EXOC7: variants seen among roughly 807,000 people sequenced by gnomAD.
EXOC7 encodes the protein exocyst complex component 7, also known as exocyst complex component Exo70.
EXOC7 carries 51 observed loss-of-function variants against 87.6 expected under a neutral mutation model. The ratio of observed to expected loss-of-function variants is 0.58; its 90% CI spans 0.46 to 0.73. EXOC7 has a LOEUF of 0.73. Ranked by LOEUF, EXOC7 falls within the 30% of genes least tolerant of loss-of-function variation. The probability of loss-of-function intolerance (pLI) is 0.00; values close to 1 mark genes in which losing one functional copy is unlikely to be tolerated. For synonymous variants in EXOC7, 327 were observed against 357.1 expected, an observed-to-expected ratio of 0.92 and a Z score of 0.95; for missense variants, 744 against 888.4, an observed-to-expected ratio of 0.84 and a Z score of 2.07.
At chr17:76,084,335 A>G (rs776368762) in intron 16 of EXOC7, 46 bp from the exon 17 acceptor site, 1 of 1,613,156 alleles carries the variant, frequency 6.2e-7, no homozygotes, top group Non-Finnish European at 8.5e-7. Context: ...TTCAGAGCAG[A>G]GCAGCCTTCC....
chr17:76,089,282 T>C lies in EXOC7; in HGVS notation c.940A>G (p.Ile314Val), dbSNP rs2067365211. 1.9e-6 allele frequency: 3 copies of C among 1,613,956 alleles called. No homozygotes were observed. The highest frequency in any genetic ancestry group is 1.7e-5 in the Admixed American group (1 of 60,000). The change falls in exon 8 of 19, where the codon ATC (isoleucine) becomes GTC (valine). Residue 314 changes from isoleucine to valine, a missense_variant. Ile to Val is a conservative substitution (Grantham distance 29, BLOSUM62 3). This residue lies in a region of EXOC7 where 512 missense variants were observed against 573.0 expected (regional missense o/e 0.89). Transcript: ENST00000589210. ...TTGACGAAGGCACTGACGCAGTGGA[T>C]GTAGGCATCGGTCTCCACGTCCAGC... Reference protein sequence around the residue: ...DMLDVETDAYIHCVSAFVKLA... With the variant: ...DMLDVETDAYVHCVSAFVKLA...
At chr17:76,090,105 G>T (rs2246859) in intron 7 of EXOC7, among the ~76,000 whole-genome samples, 73,803 of 152,174 alleles carry the variant, frequency 0.48, 18,401 homozygotes, top group South Asian at 0.67. Flanking sequence ...GAGGAGCAGC[G>T]GCTTCTCCCC....
At position 76,087,954 on chromosome 17, in the gene EXOC7, G is replaced by C. The variant is rs1389249759; in HGVS notation, c.1362+106C>G. On this transcript the variant is annotated intron_variant, in intron 11 of 18. Transcript: ENST00000589210. ...AGGACTGCTCACAAAGGTGCGAGCG[G>C]CTCTGGGCCAGGCTGAGTCCCTTCC... is the stretch of plus-strand genomic sequence containing the variant. The C allele has an allele frequency of 7.4e-6, 10 of 1,347,456 alleles. No homozygotes were observed. In the East Asian group the frequency reaches 2.3e-4, roughly 31 times the overall value. The allele number at this position is 1,347,456 out of a possible 1,614,324, so 83.5% of individuals were successfully genotyped here. A position where few individuals can be genotyped will look rare whatever the true frequency, so the allele number is the denominator to read the frequency against.
rs2067266188 is a variant in EXOC7 at position 76,087,546 on chromosome 17, C to G, written c.1429+108G>C. ...GGACCCTCTGCTGAGCACACCTCAA[C>G]CCCTCCACAGACTGGAGATACCTCC... On this transcript the variant is annotated intron_variant, in intron 12 of 18. Coordinates refer to ENST00000589210, the MANE Select transcript of EXOC7 (RefSeq NM_001013839.4). The G allele has an allele frequency of 2.5e-5, 28 of 1,133,944 alleles. 1 individual carries two copies. In the South Asian group the frequency reaches 3.8e-4, roughly 15 times the overall value. The allele number at this position is 1,133,944 out of a possible 1,614,324, so 70.2% of individuals were successfully genotyped here.
chr17:76,088,346 G>A (rs561236028), intron 10 of EXOC7, 118 bp downstream of exon 10: 29 of 1,085,516 alleles, frequency 2.7e-5, no homozygotes, highest in Non-Finnish European at 3.9e-5. Context: ...GGCCAGTGGC[G>A]CAGCTGGCTG....
rs1459305734 is a variant in EXOC7 at position 76,091,163 on chromosome 17, G to C, written c.881C>G (p.Ser294Cys). 1 of 1,614,016 alleles carries C rather than the reference G, an allele frequency of 6.2e-7. No individual in the cohort carries two copies. Among genetic ancestry groups the C allele is most frequent in the Non-Finnish European group, 8.5e-7 (1 of 1,179,950 alleles). Residue 294 changes from serine (S) to cysteine (C), a missense_variant, in exon 7 of 19, where the codon TCT (serine) becomes TGT (cysteine). Ser to Cys is a moderately radical substitution (Grantham distance 112). This residue lies in a region of EXOC7 where 512 missense variants were observed against 573.0 expected (regional missense o/e 0.89). Coordinates refer to ENST00000589210, the MANE Select transcript of EXOC7 (RefSeq NM_001013839.4). Reference sequence around the variant, plus strand: ...ATTACCTTCCAGAGGAATGAGGTTAGAGCCCCCCTTTTTCCCATCTAGACC... The same window carrying C: ...ATTACCTTCCAGAGGAATGAGGTTACAGCCCCCCTTTTTCCCATCTAGACC... ...QHGLDGKKGG[S>C]NLIPLEGRDD...
At chr17:76,094,859 C>T (rs1430018305) in intron 5 of EXOC7, among the ~76,000 whole-genome samples, 1 of 152,034 alleles carries the variant, frequency 6.6e-6, no homozygotes, top group Admixed American at 6.6e-5. Flanking sequence ...AATCTGACCA[C>T]TTCAGCCTCC....
At position 76,082,056 on chromosome 17, in the gene EXOC7, A is replaced by G; in HGVS notation, c.*1592T>C. ...GGGCCTCATCCTGCTGAAGGTGGGC[A>G]GGGGCTGGGGGGTAAGGAATGAGGC... is the stretch of plus-strand genomic sequence containing the variant. On this transcript the variant is annotated 3_prime_UTR_variant, in exon 19 of 19. Coordinates refer to ENST00000589210, the MANE Select transcript of EXOC7 (RefSeq NM_001013839.4). The G allele has an allele frequency of 6.3e-7, 1 of 1,599,800 alleles. No homozygotes were observed. The highest frequency in any genetic ancestry group is 8.5e-7 in the Non-Finnish European group (1 of 1,174,138).
rs968247523 is a variant in EXOC7 at position 76,094,431 on chromosome 17, T to A, written c.791A>T (p.Lys264Met). Reference sequence around the variant, plus strand: ...GGGCTCACCTGGCCGCTTGACTGGCTTCTTGGTAGGTGTGTCTTTCCTCTT... The same window carrying A: ...GGGCTCACCTGGCCGCTTGACTGGCATCTTGGTAGGTGTGTCTTTCCTCTT... ...PNKRKDTPTK[K>M]PVKRPGTIRK... The change falls in exon 6 of 19, where the codon AAG (lysine) becomes ATG (methionine). Residue 264 changes from lysine (K) to methionine (M), a missense_variant. Around this residue, in one of 3 missense-constraint regions of EXOC7, gnomAD observed 512 missense variants for 573.0 expected, o/e 0.89. Transcript: ENST00000589210. 4 of 1,613,460 alleles carry A rather than the reference T, an allele frequency of 2.5e-6. No individual in the cohort carries two copies. In the African/African-American group the frequency reaches 4.0e-5, roughly 16 times the overall value.
At chr17:76,086,283 G>A in intron 12 of EXOC7, 138 bp from the exon 13 acceptor site, 1 of 853,246 alleles carries the variant, frequency 1.2e-6, no homozygotes, top group South Asian at 1.5e-5. Context: ...TGCCTGCTAA[G>A]CCACAGGGTG....
intron 7 of EXOC7, chr17:76,090,480 C>T: frequency 6.4e-7 from 1 of 1,551,364 alleles, no homozygotes; most frequent in Non-Finnish European, 8.7e-7. Context: ...AGGGAAGAAG[C>T]CCTTCATCTC....
chr17:76,088,072 C>T lies in EXOC7; in HGVS notation c.1350G>A (p.Glu450=). Residue 450 remains glutamate, a synonymous_variant, in exon 11 of 19, where the codon GAG becomes GAA. Coordinates refer to ENST00000589210, the MANE Select transcript of EXOC7 (RefSeq NM_001013839.4). Reference sequence around the variant, plus strand: ...AGGCAGCACCCACATTGCTGGTGAGCTCGTGTACGGTGCCGTCCTTCGGCA... The same window carrying T: ...AGGCAGCACCCACATTGCTGGTGAGTTCGTGTACGGTGCCGTCCTTCGGCA... The part of the protein sequence containing the change: ...YNMPKDGTVH[E]LTSNAILFLQ... 6.2e-7 allele frequency: 1 copy of T among 1,614,068 alleles called. No individual in the cohort carries two copies. The highest frequency in any genetic ancestry group is 8.5e-7 in the Non-Finnish European group (1 of 1,179,980).
Position 76,088,858 on chromosome 17 carries a change from C to T in EXOC7, c.1113G>A (p.Val371=). 1 of 1,613,908 alleles carries T rather than the reference C, an allele frequency of 6.2e-7. No homozygotes were observed. Among genetic ancestry groups the T allele is most frequent in the Non-Finnish European group, 8.5e-7 (1 of 1,180,030 alleles). Reference sequence around the variant, plus strand: ...TGAGCACCGTGGAGAAGTCGTGTCGCACAATGGCCTTCCGGGCAGCAGACA... The same window carrying T: ...TGAGCACCGTGGAGAAGTCGTGTCGTACAATGGCCTTCCGGGCAGCAGACA... ...NIVSAARKAI[V]RHDFSTVLTV... is the part of the protein sequence containing the mutation. Residue 371 remains valine (V), a synonymous_variant, in exon 9 of 19, where the codon GTG becomes GTA. Coordinates refer to ENST00000589210, the MANE Select transcript of EXOC7 (RefSeq NM_001013839.4).
rs1443075247 is a variant in EXOC7 at position 76,087,655 on chromosome 17, T to C, written c.1428A>G (p.Gln476=). Residue 476 remains glutamine (Q), a splice_region_variant and synonymous_variant, in exon 12 of 19, where the codon CAA becomes CAG. Transcript: ENST00000589210. ...GGCCCAACTGGGAGGTACCAGTACC[T>C]TGGGAGGCCAGCATGGCGCCTGCCG... ...QETAGAMLAS[Q]ETSSSATSYS... The C allele has an allele frequency of 3.2e-6, 5 of 1,551,002 alleles. No individual in the cohort carries two copies. The East Asian group carries it at 7.3e-5, about 23-fold the overall frequency.
chr17:76,088,243 G>A (rs2067302564), intron 10 of EXOC7, 121 bp from the exon 11 acceptor site: 2 of 1,100,866 alleles, frequency 1.8e-6, no homozygotes, highest in South Asian at 1.4e-5. Flanking sequence ...AGGCACAAAG[G>A]CTGAGCCAGG....
At chr17:76,099,770 C>A (rs2067966988) in intron 4 of EXOC7, among the ~76,000 whole-genome samples, 2 of 152,150 alleles carry the variant, frequency 1.3e-5, no homozygotes, top group Admixed American at 6.5e-5. Context: ...CACCATCTTG[C>A]TCTGATGATC....
In EXOC7 at chr17:76,103,332, C is replaced by T. The variant is rs746347580; in HGVS notation, c.126+29G>A. The T allele has an allele frequency of 5.1e-6, 8 of 1,565,198 alleles. No homozygotes were observed. In the African/African-American group the frequency reaches 9.4e-5, roughly 18 times the overall value. ...CTCTCCCCCAGGGTCCGGAGGCCTGCCCTCTCCCCCAGCTGCGGGGAGACT... is the reference window on the plus strand; with the variant it reads ...CTCTCCCCCAGGGTCCGGAGGCCTGTCCTCTCCCCCAGCTGCGGGGAGACT... On this transcript the variant is annotated intron_variant, in intron 2 of 18. Transcript: ENST00000589210.
At position 76,083,374 on chromosome 17, in the gene EXOC7, C is replaced by T. The variant is rs568906232; in HGVS notation, c.*274G>A. The T allele has an allele frequency of 7.5e-4, 342 of 454,230 alleles. No individual in the cohort carries two copies. The highest frequency in any genetic ancestry group is 1.1e-3 in the Non-Finnish European group (265 of 246,162). 28.1% of individuals were successfully genotyped at this position (454,230 alleles called of 1,614,324 possible). A position where few individuals can be genotyped will look rare whatever the true frequency, so the allele number is the denominator to read the frequency against. On this transcript the variant is annotated 3_prime_UTR_variant, in exon 19 of 19. Coordinates refer to ENST00000589210, the MANE Select transcript of EXOC7 (RefSeq NM_001013839.4). ...GCACAGGCCTCTGTCTTCCTTCTCT[C>T]TTTTCCTGTTTCAGAAGCCATCAGG...
rs2067079991 is a variant in EXOC7 at position 76,083,756 on chromosome 17, G to A, written c.1953-6C>T. ...TGAAGGGCACGCTGCCAAACCTGAGGAGGCACTGTGGTCAGGGGACAGGGA... is the reference window on the plus strand; with the variant it reads ...TGAAGGGCACGCTGCCAAACCTGAGAAGGCACTGTGGTCAGGGGACAGGGA... On this transcript the variant is annotated splice_region_variant and splice_polypyrimidine_tract_variant and intron_variant, in intron 18 of 18. Transcript: ENST00000589210. 1.2e-6 allele frequency: 2 copies of A among 1,612,260 alleles called. No homozygotes were observed. Among genetic ancestry groups the A allele is most frequent in the African/African-American group, 2.7e-5 (2 of 74,882 alleles).
Sources: allele counts gnomAD v4.1 joint callset (sites outside exome capture counted in the v4.1 genomes callset), GRCh38; gene constraint gnomAD v4.1.1; regional missense constraint gnomAD v4.1.1; transcripts MANE v1.5; gene names NCBI Gene and HGNC (gene_info 2026-07-23, HGNC 2026-07-21).